The following LIPF variants were observed in gnomAD, a reference collection of about 807,000 sequenced individuals.
The protein encoded by LIPF is gastric triacylglycerol lipase.
Under a neutral mutation model 38.0 loss-of-function variants are expected in LIPF, and 25 were observed. The observed-to-expected ratio is 0.66, with a 90% CI of 0.48 to 0.92. LIPF has a LOEUF of 0.92. Ranked by LOEUF, LIPF falls within the 40% of genes least tolerant of loss-of-function variation. The probability of loss-of-function intolerance (pLI) is 0.00; values close to 1 mark genes in which losing one functional copy is unlikely to be tolerated. For synonymous variants in LIPF, 161 were observed against 156.2 expected, an observed-to-expected ratio of 1.03 and a Z score of -0.23; for missense variants, 410 against 469.9, an observed-to-expected ratio of 0.87 and a Z score of 1.18.
At chr10:88,667,744 TCTTC>T (rs1841535676) in intron 3 of LIPF, 58 bp downstream of exon 3, 1 of 745,562 alleles carries the variant, frequency 1.3e-6, no homozygotes, top group African/African-American at 1.8e-5. Context: ...CCTTCTTTCT[TCTTC>T]CTTCCCTCTC....
chr10:88,673,026 C>T (rs903297126), intron 6 of LIPF, among the ~76,000 whole-genome samples: 1 of 152,120 alleles, frequency 6.6e-6, no homozygotes, highest in African/African-American at 2.4e-5. Context: ...TATAATCGAG[C>T]TCTAATTAGC....
At chr10:88,674,072 G>A (rs1434810676) in intron 7 of LIPF, among the ~76,000 whole-genome samples, 1 of 152,174 alleles carries the variant, frequency 6.6e-6, no homozygotes, top group African/African-American at 2.4e-5. Context: ...AAAATGTCTA[G>A]ATATTGAATA....
intron 5 of LIPF, among the ~76,000 whole-genome samples, chr10:88,670,252 T>C (rs1376643808): frequency 6.6e-6 from 1 of 152,148 alleles, no homozygotes; most frequent in Admixed American, 6.5e-5. Flanking sequence ...TTTGACCATA[T>C]TTATGGGGCA....
At chr10:88,671,739 C>T (rs1207674327) in intron 5 of LIPF, 90 bp from the exon 6 acceptor site, 9 of 1,511,274 alleles carry the variant, frequency 6.0e-6, no homozygotes, top group Non-Finnish European at 7.1e-6. Context: ...CTTAGTAAGT[C>T]CAAAATAATG....
chr10:88,672,452 T>A (rs990251512), intron 6 of LIPF, among the ~76,000 whole-genome samples: 1 of 152,154 alleles, frequency 6.6e-6, no homozygotes, highest in African/African-American at 2.4e-5. Flanking sequence ...GGCTTTCCCT[T>A]TTGGCTTTCC....
At chr10:88,666,343 A>G (rs891943236) in intron 1 of LIPF, among the ~76,000 whole-genome samples, 2 of 152,222 alleles carry the variant, frequency 1.3e-5, no homozygotes, top group Admixed American at 6.5e-5. Context: ...CTCCTAACAT[A>G]CAATTTCTCA....
intron 9 of LIPF, among the ~76,000 whole-genome samples, chr10:88,677,552 C>G (rs1841706633): frequency 1.3e-5 from 2 of 152,146 alleles, no homozygotes; most frequent in Non-Finnish European, 2.9e-5. Context: ...ACTCCCTTTT[C>G]TCTAATATTT....
At chr10:88,672,581 GT>G (rs1841615874) in intron 6 of LIPF, among the ~76,000 whole-genome samples, 2 of 149,426 alleles carry the variant, frequency 1.3e-5, no homozygotes, top group South Asian at 4.2e-4. Flanking sequence ...TAATCGTTTT[GT>G]TTGACAATGC....
intron 6 of LIPF, among the ~76,000 whole-genome samples, chr10:88,672,978 A>G (rs556040861): frequency 2.0e-5 from 3 of 152,318 alleles, no homozygotes; most frequent in Admixed American, 2.0e-4. Flanking sequence ...TAGAAAAGCA[A>G]TAGACCTCAA....
At chr10:88,675,416 T>C in intron 7 of LIPF, 170 bp from the exon 8 acceptor site, 1 of 581,560 alleles carries the variant, frequency 1.7e-6, no homozygotes, top group Non-Finnish European at 3.0e-6. Flanking sequence ...ACACATGCAA[T>C]TGCACTTTGC....
intron 1 of LIPF, chr10:88,665,522 C>G: frequency 6.5e-7 from 1 of 1,534,142 alleles, no homozygotes; most frequent in Non-Finnish European, 8.7e-7. Flanking sequence ...TGCCCTTGAA[C>G]ATCTTTGAGC....
intron 1 of LIPF, among the ~76,000 whole-genome samples, chr10:88,665,130 C>T (rs548895251): frequency 6.6e-6 from 1 of 152,226 alleles, no homozygotes; most frequent in African/African-American, 2.4e-5. Flanking sequence ...GGCTCCACTA[C>T]TTTCTATATA....
At position 88,669,880 on chromosome 10, in the gene LIPF, T is replaced by C. The variant is rs780173055; in HGVS notation, c.466T>C (p.Phe156Leu). 2 of 1,613,724 alleles carry C rather than the reference T, an allele frequency of 1.2e-6. No homozygotes were observed. The highest frequency in any genetic ancestry group is 1.1e-5 in the South Asian group (1 of 91,032). ...ATATGACCTTCCAGCCACAATCGAC[T>C]TCATTGTAAAGAAAACTGGACAGAA... ...AKYDLPATID[F>L]IVKKTGQKQL... The change falls in exon 5 of 10, where the codon TTC (phenylalanine) becomes CTC (leucine). Residue 156 changes from phenylalanine (F) to leucine (L), a missense_variant. Phe to Leu is a conservative substitution (Grantham distance 22). Transcript: ENST00000238983.
In LIPF at chr10:88,678,768, G is replaced by T; in HGVS notation, c.*87G>T. 2 of 806,740 alleles carry T rather than the reference G, an allele frequency of 2.5e-6. No homozygotes were observed. Among genetic ancestry groups the T allele is most frequent in the South Asian group, 3.5e-5 (2 of 57,278 alleles). 50.0% of individuals were successfully genotyped at this position (806,740 alleles called of 1,614,324 possible). Reference sequence around the variant, plus strand: ...ATTTTCATAATGTTTGACATGCAGTGCTTCTTTCTGTAATTTTGACTTTAG... The same window carrying T: ...ATTTTCATAATGTTTGACATGCAGTTCTTCTTTCTGTAATTTTGACTTTAG... On this transcript the variant is annotated 3_prime_UTR_variant, in exon 10 of 10. Coordinates refer to ENST00000238983, the MANE Select transcript of LIPF (RefSeq NM_004190.4).
chr10:88,677,006 C>T (rs1841699072), intron 9 of LIPF, among the ~76,000 whole-genome samples: 1 of 152,240 alleles, frequency 6.6e-6, no homozygotes, highest in South Asian at 2.1e-4. Flanking sequence ...AAGGGAAGCA[C>T]CCTATAGTAT....
At chr10:88,669,728 G>C in intron 4 of LIPF, 109 bp from the exon 5 acceptor site, 1 of 746,386 alleles carries the variant, frequency 1.3e-6, no homozygotes, top group South Asian at 1.8e-5. Context: ...TCAATGTTTA[G>C]AGAATCCAGT....
intron 4 of LIPF, chr10:88,668,982 T>C: frequency 2.1e-6 from 1 of 467,826 alleles, no homozygotes; most frequent in Non-Finnish European, 3.8e-6. Context: ...TTCCAGAAAG[T>C]GATTTTCCAA....
Position 88,669,830 on chromosome 10 carries a change from C to T in LIPF, c.423-7C>T. The T allele has an allele frequency of 6.3e-7, 1 of 1,585,990 alleles. No homozygotes were observed. Among genetic ancestry groups the T allele is most frequent in the East Asian group, 2.2e-5 (1 of 44,670 alleles). On this transcript the variant is annotated splice_polypyrimidine_tract_variant and splice_region_variant and intron_variant, in intron 4 of 9. Coordinates refer to ENST00000238983, the MANE Select transcript of LIPF (RefSeq NM_004190.4). ...TATTCACTTTCATTTTGTCTTTTTC[C>T]TTTCAGCTTTGATGAAATGGCTAAA...
chr10:88,676,372 G>C (rs1841686633), intron 9 of LIPF, 92 bp downstream of exon 9: 1 of 750,222 alleles, frequency 1.3e-6, no homozygotes, highest in Admixed American at 2.7e-5. Flanking sequence ...CTGCGCATCT[G>C]TTTTCCAAAG....
Sources: allele counts gnomAD v4.1 joint callset (sites outside exome capture counted in the v4.1 genomes callset), GRCh38; gene constraint gnomAD v4.1.1; transcripts MANE v1.5; gene names NCBI Gene and HGNC (gene_info 2026-07-23, HGNC 2026-07-21).